RHBG: variants seen among roughly 807,000 people sequenced by gnomAD.
The protein encoded by RHBG is Rh family B glycoprotein.
In RHBG, 39 loss-of-function variants were observed where a neutral mutation model predicts 40.1. That is an observed-to-expected ratio of 0.97 (90% CI 0.75 to 1.27). The LOEUF is 1.27. Among genes scored for constraint, RHBG ranks in the 50% most tolerant of loss-of-function variants. RHBG has a pLI of 0.00. For synonymous variants in RHBG, 237 were observed against 252.5 expected, an observed-to-expected ratio of 0.94 and a Z score of 0.58; for missense variants, 549 against 588.1, an observed-to-expected ratio of 0.93 and a Z score of 0.69.
At chr1:156,381,677 A>G (rs1472580950) in intron 5 of RHBG, 129 bp from the exon 6 acceptor site, 18 of 1,401,972 alleles carry the variant, frequency 1.3e-5, no homozygotes, top group Non-Finnish European at 1.6e-5. Flanking sequence ...GCGATATGGT[A>G]GCAGGACAAT....
Position 156,384,922 on chromosome 1 carries a change from C to A in RHBG, c.*77C>A, listed in dbSNP as rs867526916. ...CTGCTACTAGGAAGTTCTTTTTGAGCTCCCATTCCTCCAGCTGCAAGAAGG... is the reference window on the plus strand; with the variant it reads ...CTGCTACTAGGAAGTTCTTTTTGAGATCCCATTCCTCCAGCTGCAAGAAGG... On this transcript the variant is annotated 3_prime_UTR_variant, in exon 10 of 10. Coordinates refer to ENST00000537040, the MANE Select transcript of RHBG (RefSeq NM_020407.5). 4.5e-6 allele frequency: 4 copies of A among 883,470 alleles called. No homozygotes were observed. The highest frequency in any genetic ancestry group is 4.3e-4 in the Middle Eastern group (2 of 4,598). The allele number at this position is 883,470 out of a possible 1,614,324, so 54.7% of individuals were successfully genotyped here. A position where few individuals can be genotyped will look rare whatever the true frequency, so the allele number is the denominator to read the frequency against.
intron 8 of RHBG, among the ~76,000 whole-genome samples, chr1:156,384,070 G>A (rs973352023): frequency 6.6e-6 from 1 of 151,738 alleles, no homozygotes; most frequent in African/African-American, 2.4e-5. Flanking sequence ...CTGACCTTAA[G>A]TGACCCATCT....
At chr1:156,374,905 A>G (rs967839509) in intron 1 of RHBG, among the ~76,000 whole-genome samples, 1 of 151,758 alleles carries the variant, frequency 6.6e-6, no homozygotes, top group African/African-American at 2.4e-5. Context: ...TTCTTTTTTT[A>G]TGGCTGAATA....
rs1667916301 is a variant in RHBG at position 156,384,562 on chromosome 1, C to CCA, written c.1271_1272dup (p.Asp425GlnfsTer26). ...GAAGCTACCCTTTCTGGACTCCCCC[C>CCA]CAGACTCCCAGCACTACGAGGACCA... On this transcript the variant is annotated frameshift_variant, in exon 9 of 10. Transcript: ENST00000537040. LOFTEE classifies it high-confidence loss of function. 6.2e-7 allele frequency: 1 copy of CCA among 1,600,488 alleles called. No individual in the cohort carries two copies. Among genetic ancestry groups the CCA allele is most frequent in the African/African-American group, 1.3e-5 (1 of 74,612 alleles).
chr1:156,369,906 C>T (rs560013394), intron 1 of RHBG, among the ~76,000 whole-genome samples: 10 of 152,056 alleles, frequency 6.6e-5, no homozygotes, highest in Admixed American at 3.9e-4. Flanking sequence ...GGGTTGTGAG[C>T]GGTCATAATG....
intron 1 of RHBG, among the ~76,000 whole-genome samples, chr1:156,372,876 C>T (rs1666944102): frequency 6.6e-6 from 1 of 152,178 alleles, no homozygotes; most frequent in African/African-American, 2.4e-5. Context: ...ATTGTAGCCT[C>T]CACATCCCAG....
At chr1:156,384,700 T>C in intron 9 of RHBG, 77 bp from the exon 10 acceptor site, 2 of 1,555,110 alleles carry the variant, frequency 1.3e-6, no homozygotes. Context: ...CTCCTTCTCC[T>C]CTGGGGTACA....
Position 156,381,497 on chromosome 1 carries a change from A to T in RHBG, c.824A>T (p.Asp275Val). Reference protein sequence around the residue: ...TFALSALVGEDGRLDMVHIQN... With the variant: ...TFALSALVGEVGRLDMVHIQN... Reference sequence around the variant, plus strand: ...GCCTTGTCAGCCCTTGTAGGGGAAGATGGGAGGCTTGACATGGTATGGGGA... The same window carrying T: ...GCCTTGTCAGCCCTTGTAGGGGAAGTTGGGAGGCTTGACATGGTATGGGGA... Residue 275 changes from aspartate to valine, a missense_variant, in exon 5 of 10, where the codon GAT (aspartate) becomes GTT (valine). Asp to Val is a radical substitution (Grantham distance 152). Around this residue, in one of 3 missense-constraint regions of RHBG, gnomAD observed 399 missense variants for 417.0 expected, o/e 0.96. Transcript: ENST00000537040. The T allele has an allele frequency of 1.2e-6, 2 of 1,611,352 alleles. No homozygotes were observed. Among genetic ancestry groups the T allele is most frequent in the Non-Finnish European group, 1.7e-6 (2 of 1,178,340 alleles).
Position 156,369,387 on chromosome 1 carries a change from C to G in RHBG, c.138C>G (p.His46Gln). ...ACAAAACCGACGCTGCCCTCTGGCA[C>G]CGGAGCAACCACAGTAACGCGGACA... ...YNHKTDAALW[H>Q]RSNHSNADNE... The change falls in exon 1 of 10, where the codon CAC becomes CAG. Residue 46 changes from histidine (H) to glutamine (Q), a missense_variant. By Grantham distance (24) the His-to-Gln change is conservative. Transcript: ENST00000537040. The G allele has an allele frequency of 6.2e-7, 1 of 1,614,154 alleles. No homozygotes were observed. The highest frequency in any genetic ancestry group is 8.5e-7 in the Non-Finnish European group (1 of 1,180,022).
At position 156,382,901 on chromosome 1, in the gene RHBG, G is replaced by A. The variant is rs574305184; in HGVS notation, c.1234+32G>A. ...AACCTTGGATTTTCTAGAGGAAGGGGCATGGGATCCTATAAGCCTGACATG... is the reference window on the plus strand; with the variant it reads ...AACCTTGGATTTTCTAGAGGAAGGGACATGGGATCCTATAAGCCTGACATG... On this transcript the variant is annotated intron_variant, in intron 8 of 9. Transcript: ENST00000537040. The A allele has an allele frequency of 1.2e-4, 192 of 1,613,852 alleles. 3 individuals carry two copies. In the South Asian group the frequency reaches 2.0e-3, roughly 17 times the overall value.
At chr1:156,383,137 G>A (rs1199629890) in intron 8 of RHBG, among the ~76,000 whole-genome samples, 3 of 152,170 alleles carry the variant, frequency 2.0e-5, no homozygotes, top group Non-Finnish European at 4.4e-5. Context: ...TGCTCCCTCT[G>A]CCCACTAGAG....
At chr1:156,381,691 A>C in intron 5 of RHBG, 115 bp from the exon 6 acceptor site, 1 of 1,431,770 alleles carries the variant, frequency 7.0e-7, no homozygotes, top group Non-Finnish European at 9.4e-7. Context: ...GGACAATGAG[A>C]GGTTAGATGG....
chr1:156,384,125 C>T (rs1047216735), intron 8 of RHBG, among the ~76,000 whole-genome samples: 4 of 152,190 alleles, frequency 2.6e-5, no homozygotes, highest in Admixed American at 6.5e-5. Context: ...TGAGCCACTG[C>T]GCCCGGCCAC....
rs759892015 is a variant in RHBG at position 156,369,333 on chromosome 1, C to G, written c.84C>G (p.Val28=). The change falls in exon 1 of 10, where the codon GTC becomes GTG. Residue 28 remains valine, a synonymous_variant. Coordinates refer to ENST00000537040, the MANE Select transcript of RHBG (RefSeq NM_020407.5). The part of the protein sequence containing the change: ...LCLFLQGATA[V]LFAVFVRYNH... ...TCTTCCTCCAGGGCGCCACTGCCGTCCTCTTTGCTGTCTTTGTCCGCTACA... is the reference window on the plus strand; with the variant it reads ...TCTTCCTCCAGGGCGCCACTGCCGTGCTCTTTGCTGTCTTTGTCCGCTACA... The G allele has an allele frequency of 1.9e-6, 3 of 1,614,248 alleles. No individual in the cohort carries two copies. In the South Asian group the frequency reaches 3.3e-5, roughly 18 times the overall value.
At chr1:156,373,010 G>A (rs11585523) in intron 1 of RHBG, among the ~76,000 whole-genome samples, 60,485 of 152,056 alleles carry the variant, frequency 0.4, 12,286 homozygotes, top group East Asian at 0.57. Context: ...AGCTTTAACA[G>A]CTGTCTTCTC....
intron 7 of RHBG, 158 bp from the exon 8 acceptor site, chr1:156,382,590 G>A: frequency 1.1e-6 from 1 of 884,326 alleles, no homozygotes; most frequent in Non-Finnish European, 1.8e-6. Flanking sequence ...CTTGAGCAGT[G>A]GCCTGGAGGT....
At chr1:156,369,487 A>G in intron 1 of RHBG, 51 bp downstream of exon 1, 1 of 1,529,004 alleles carries the variant, frequency 6.5e-7, no homozygotes, top group Non-Finnish European at 8.8e-7. Flanking sequence ...AGATTTGCAA[A>G]GACCCTCCGG....
intron 6 of RHBG, 26 bp from the exon 7 acceptor site, chr1:156,382,042 G>A: frequency 1.2e-6 from 2 of 1,610,842 alleles, no homozygotes; most frequent in Non-Finnish European, 1.7e-6. Context: ...GGGCACAGGA[G>A]ACTCATGATC....
At position 156,378,019 on chromosome 1, in the gene RHBG, C is replaced by T; in HGVS notation, c.404C>T (p.Ala135Val). Residue 135 changes from alanine to valine, a missense_variant, in exon 3 of 10, where the codon GCC becomes GTC. This residue lies in a region of RHBG where 399 missense variants were observed against 417.0 expected (regional missense o/e 0.96). Coordinates refer to ENST00000537040, the MANE Select transcript of RHBG (RefSeq NM_020407.5). Reference sequence around the variant, plus strand: ...ATCAATGCTGACTTTTGTGCGGGGGCCGTGCTCATCTCCTTTGGTGCCGTC... The same window carrying T: ...ATCAATGCTGACTTTTGTGCGGGGGTCGTGCTCATCTCCTTTGGTGCCGTC... Reference protein sequence around the residue: ...SMINADFCAGAVLISFGAVLG... With the variant: ...SMINADFCAGVVLISFGAVLG... 6.4e-7 allele frequency: 1 copy of T among 1,561,496 alleles called. No homozygotes were observed. The highest frequency in any genetic ancestry group is 2.3e-5 in the East Asian group (1 of 44,318).
Sources: gnomAD v4.1 joint callset for allele counts (sites outside exome capture counted in the v4.1 genomes callset) on GRCh38, gnomAD v4.1.1 for gene constraint, gnomAD v4.1.1 regional missense constraint, MANE v1.5 for transcripts, NCBI Gene and HGNC (gene_info 2026-07-23, HGNC 2026-07-21) for gene names.